Variants in ATP13A3 observed in about 807,000 individuals in gnomAD.
ATP13A3 encodes ATPase 13A3.
A neutral mutation model predicts 158.1 loss-of-function variants in ATP13A3; 59 were observed. That is an observed-to-expected ratio of 0.37 (90% confidence interval 0.30 to 0.46). The LOEUF is 0.46. Among genes scored for constraint, ATP13A3 ranks in the 20% least tolerant of loss-of-function variants. ATP13A3 has a pLI of 1.00. For missense variants in ATP13A3, 1,166 were observed against 1,525.2 expected, an observed-to-expected ratio of 0.76 and a Z score of 3.92; for synonymous variants, 491 against 504.3, an observed-to-expected ratio of 0.97 and a Z score of 0.35.
chr3:194,487,629 A>G (rs1423366139), upstream of ATP13A3: 1 of 152,158 alleles, frequency 6.6e-6, no homozygotes, highest in Non-Finnish European at 1.5e-5. Flanking sequence ...CCTGGATGCA[A>G]ATTAAATACT....
chr3:194,404,169 C>G lies in ATP13A3; in HGVS notation c.*1750G>C. On this transcript the variant is annotated 3_prime_UTR_variant, in exon 34 of 34. Transcript: ENST00000645319. ...TAGAAAATAGTGCTAATTCACAGCT[C>G]AAGAGGTCTAAGATGCATAGCTTCA... 2.2e-6 allele frequency: 1 copy of G among 447,318 alleles called. No homozygotes were observed. The highest frequency in any genetic ancestry group is 1.6e-5 in the South Asian group (1 of 62,648). 27.7% of individuals were successfully genotyped at this position (447,318 alleles called of 1,614,324 possible). A position where few individuals can be genotyped will look rare whatever the true frequency, so the allele number is the denominator to read the frequency against.
chr3:194,453,825 C>A, intron 9 of ATP13A3, 47 bp from the exon 10 acceptor site: 1 of 1,471,116 alleles, frequency 6.8e-7, no homozygotes, highest in South Asian at 1.2e-5. Flanking sequence ...TGAACCCACT[C>A]CTCAGGAAAA....
At position 194,438,909 on chromosome 3, in the gene ATP13A3, G is replaced by A. The variant is rs190889432; in HGVS notation, c.1774C>T (p.Arg592Cys). 6.3e-4 allele frequency: 1,012 copies of A among 1,610,094 alleles called. 15 individuals are homozygous for A. The South Asian group carries it at 9.5e-3, about 15-fold the overall frequency. ...TCAGGAAGCAGTTGTTTGGGAGGAC[G>A]AACCACTGTGGGCATAATTCGATTA... ...LHNRIMPTVV[R>C]PPKQLLPEST... Residue 592 changes from arginine to cysteine, a missense_variant, in exon 17 of 34, where the codon CGT becomes TGT. This residue lies in a region of ATP13A3 where 997 missense variants were observed against 1,341.2 expected (regional missense o/e 0.74). Transcript: ENST00000645319.
At position 194,403,540 on chromosome 3, in the gene ATP13A3, C is replaced by G. The variant is rs1263219228; in HGVS notation, c.*2379G>C. 2.0e-5 allele frequency: 3 copies of G among 152,208 alleles called. No homozygotes were observed. The highest frequency in any genetic ancestry group is 2.9e-5 in the Non-Finnish European group (2 of 68,034). 9.4% of individuals were successfully genotyped at this position (152,208 alleles called of 1,614,324 possible). On this transcript the variant is annotated 3_prime_UTR_variant, in exon 34 of 34. Transcript: ENST00000645319. ...TTAACAATTACTTTCCCAGACATTT[C>G]TGTCCTTTAAGTATGTGCATAAATA...
In ATP13A3 at chr3:194,404,726, A is replaced by G. The variant is rs976805456; in HGVS notation, c.*1193T>C. ...ATCTCTTTTGGCTCAATGAATGTCA[A>G]TTTTTTAACTTTATTTCCTCAATTT... On this transcript the variant is annotated 3_prime_UTR_variant, in exon 34 of 34. Transcript: ENST00000645319. 2 of 152,232 alleles carry G rather than the reference A, an allele frequency of 1.3e-5. No homozygotes were observed. Among genetic ancestry groups the G allele is most frequent in the Non-Finnish European group, 2.9e-5 (2 of 68,038 alleles). The allele number at this position is 152,232 out of a possible 1,614,324, so 9.4% of individuals were successfully genotyped here.
intron 30 of ATP13A3, among the ~76,000 whole-genome samples, chr3:194,424,729 C>T (rs777470511): frequency 6.6e-6 from 1 of 152,034 alleles, no homozygotes; most frequent in Non-Finnish European, 1.5e-5. Context: ...TAATTTTGAT[C>T]AATCAAAATG....
intron 2 of ATP13A3, among the ~76,000 whole-genome samples, chr3:194,483,782 T>A (rs922757778): frequency 6.6e-6 from 1 of 152,228 alleles, no homozygotes; most frequent in Admixed American, 6.5e-5. Context: ...TCTAATTTCT[T>A]CTGGCTACTC....
chr3:194,478,739 G>A (rs1416959891), intron 2 of ATP13A3, among the ~76,000 whole-genome samples: 1 of 152,152 alleles, frequency 6.6e-6, no homozygotes, highest in East Asian at 1.9e-4. Context: ...GCCAGGCCAA[G>A]GAGCCATATT....
In ATP13A3 at chr3:194,462,156, C is replaced by T. The variant is rs748878225; in HGVS notation, c.35G>A (p.Gly12Asp). The change falls in exon 3 of 34, where the codon GGT becomes GAT. Residue 12 changes from glycine to aspartate, a missense_variant. By Grantham distance (94) the Gly-to-Asp change is moderately conservative. Coordinates refer to ENST00000645319, the MANE Select transcript of ATP13A3 (RefSeq NM_001367549.1). ...GCTGGTTACCATTTCATCTTCTTGA[C>T]CCTGATTGATGGTCTTCCTTTCTTC... ...DREERKTINQ[G>D]QEDEMEIYGY... The T allele has an allele frequency of 1.6e-5, 26 of 1,613,894 alleles. No individual in the cohort carries two copies. Among genetic ancestry groups the T allele is most frequent in the Non-Finnish European group, 1.9e-5 (22 of 1,179,908 alleles).
chr3:194,419,550 A>G (rs1444802455), intron 31 of ATP13A3, among the ~76,000 whole-genome samples: 4 of 152,210 alleles, frequency 2.6e-5, no homozygotes, highest in Non-Finnish European at 5.9e-5. Context: ...TGGCCAAAAC[A>G]CAAAAGGGAG....
chr3:194,492,581 AGT>A (rs1009303491), intron 2 of ATP13A3, among the ~76,000 whole-genome samples: 9 of 151,982 alleles, frequency 5.9e-5, no homozygotes, highest in African/African-American at 2.2e-4. Context: ...CAGCCTCCCA[AGT>A]AGCTGGGATT....
At chr3:194,456,147 A>C (rs1340610036) in intron 7 of ATP13A3, among the ~76,000 whole-genome samples, 185 bp from the exon 8 acceptor site, 1 of 152,082 alleles carries the variant, frequency 6.6e-6, no homozygotes, top group East Asian at 1.9e-4. Flanking sequence ...GTAGATACCT[A>C]TACTGGTAGC....
intron 31 of ATP13A3, among the ~76,000 whole-genome samples, chr3:194,415,426 T>C (rs1715761476): frequency 6.6e-6 from 1 of 152,156 alleles, no homozygotes; most frequent in Admixed American, 6.5e-5. Flanking sequence ...TGCATTTTGT[T>C]TTCTTCTTTT....
At position 194,429,675 on chromosome 3, in the gene ATP13A3, C is replaced by A; in HGVS notation, c.2874+3G>T. The stretch of plus-strand genomic sequence containing the variant: ...TATCTCTGCACACAATGTTAATACT[C>A]ACAGAATACAGCAGAGTAACACTGA... On this transcript the variant is annotated splice_donor_region_variant and intron_variant, in intron 27 of 33. Transcript: ENST00000645319. 2 of 1,597,320 alleles carry A rather than the reference C, an allele frequency of 1.3e-6. No individual in the cohort carries two copies. Among genetic ancestry groups the A allele is most frequent in the South Asian group, 2.2e-5 (2 of 90,132 alleles).
intron 20 of ATP13A3, among the ~76,000 whole-genome samples, chr3:194,436,550 C>T (rs1717649307): frequency 1.3e-5 from 2 of 152,188 alleles, no homozygotes; most frequent in Admixed American, 6.5e-5. Flanking sequence ...AAATTGAAAA[C>T]AGTTTCAAAG....
chr3:194,430,042 AG>A, intron 26 of ATP13A3, 29 bp downstream of exon 26: 1 of 1,546,020 alleles, frequency 6.5e-7, no homozygotes, highest in African/African-American at 1.4e-5. Context: ...ACAGAGAAAA[AG>A]GGATGAGAAA....
chr3:194,418,158 G>GA (rs1201501348), intron 31 of ATP13A3, among the ~76,000 whole-genome samples: 1 of 152,112 alleles, frequency 6.6e-6, no homozygotes, highest in Non-Finnish European at 1.5e-5. Flanking sequence ...GAGAAAAAAA[G>GA]AAAAAGAAAT....
At chr3:194,416,476 T>TA (rs200383465) in intron 31 of ATP13A3, among the ~76,000 whole-genome samples, 4,241 of 151,796 alleles carry the variant, frequency 0.028, 207 homozygotes, top group African/African-American at 0.099. Context: ...AAGCATTAGA[T>TA]AAAAATTTAA....
intron 2 of ATP13A3, among the ~76,000 whole-genome samples, chr3:194,472,772 A>G (rs1720361881): frequency 6.6e-6 from 1 of 152,266 alleles, no homozygotes; most frequent in African/African-American, 2.4e-5. Context: ...AGTGGATTGC[A>G]TAAAGAAAAT....
Sources: gnomAD v4.1 joint callset for allele counts (sites outside exome capture counted in the v4.1 genomes callset) on GRCh38, gnomAD v4.1.1 for gene constraint, gnomAD v4.1.1 regional missense constraint, MANE v1.5 for transcripts, NCBI Gene and HGNC (gene_info 2026-07-23, HGNC 2026-07-21) for gene names.